NAPA: variants seen among roughly 807,000 people sequenced by gnomAD.
NAPA encodes the protein alpha-soluble NSF attachment protein.
A neutral mutation model predicts 48.0 loss-of-function variants in NAPA; 18 were observed. The ratio of observed to expected loss-of-function variants is 0.38; its 90% CI spans 0.26 to 0.56. The LOEUF (loss-of-function observed/expected upper bound fraction) is 0.56, where lower values mean the gene tolerates loss of function less well. NAPA is among the 20% of genes least tolerant of loss of function. The pLI is 0.77. For missense variants in NAPA, 315 were observed against 385.0 expected (o/e 0.82, Z 1.52); for synonymous variants, 152 against 149.9 (o/e 1.01, Z -0.10).
intron 1 of NAPA, among the ~76,000 whole-genome samples, chr19:47,514,283 G>A (rs1210305803): frequency 6.6e-6 from 1 of 151,956 alleles, no homozygotes; most frequent in Admixed American, 6.6e-5. Flanking sequence ...CCTGGTGTCA[G>A]CCCCCTTCAG....
rs551186672 is a variant in NAPA at position 47,514,997 on chromosome 19, C to T, written c.-57G>A. 6.3e-4 allele frequency: 982 copies of T among 1,551,074 alleles called. 18 individuals are homozygous for T. The Admixed American group carries it at 0.014, about 23-fold the overall frequency. Reference sequence around the variant, plus strand: ...GACCCTGACCCTGGGAAGACTCAGCCGCGGCCGGGCCGCGGAACACAGATC... The same window carrying T: ...GACCCTGACCCTGGGAAGACTCAGCTGCGGCCGGGCCGCGGAACACAGATC... On this transcript the variant is annotated 5_prime_UTR_variant, in exon 1 of 11. Transcript: ENST00000263354.
Position 47,492,030 on chromosome 19 carries a change from G to T in NAPA, c.651C>A (p.Asp217Glu). The change falls in exon 8 of 11, where the codon GAC becomes GAA. Residue 217 changes from aspartate to glutamate, a missense_variant. This residue lies in a region of NAPA where 137 missense variants were observed against 150.1 expected (regional missense o/e 0.91). Transcript: ENST00000263354. ...FKAALCHFCI[D>E]MLNAKLAVQK... ...GGTGTGCTACCTTGGCGTTGAGCAT[G>T]TCGATGCAGAAGTGGCAGAGGGCCG... 6.2e-7 allele frequency: 1 copy of T among 1,614,082 alleles called. No individual in the cohort carries two copies. Among genetic ancestry groups the T allele is most frequent in the Non-Finnish European group, 8.5e-7 (1 of 1,179,962 alleles).
In NAPA at chr19:47,515,011, G is replaced by T. The variant is rs1259863830; in HGVS notation, c.-71C>A. 2 of 1,487,892 alleles carry T rather than the reference G, an allele frequency of 1.3e-6. No homozygotes were observed. Among genetic ancestry groups the T allele is most frequent in the Non-Finnish European group, 9.2e-7 (1 of 1,084,848 alleles). The allele number at this position is 1,487,892 out of a possible 1,614,324, so 92.2% of individuals were successfully genotyped here. A position where few individuals can be genotyped will look rare whatever the true frequency, so the allele number is the denominator to read the frequency against. On this transcript the variant is annotated 5_prime_UTR_variant, in exon 1 of 11. Transcript: ENST00000263354. ...GAAGACTCAGCCGCGGCCGGGCCGC[G>T]GAACACAGATCGGTAAAACTCGCCC...
chr19:47,493,345 C>A lies in NAPA; in HGVS notation c.420+71G>T. On this transcript the variant is annotated intron_variant, in intron 5 of 10. Transcript: ENST00000263354. This position sits in a 1 kb window ranked among gnomAD's most constrained non-coding sequence, Gnocchi z 6.4. ...TCGGCACTCAGACACCAGAGGACTC[C>A]CCTGGTGGGAAGAAGAGAGAGCAGC... 6.4e-7 allele frequency: 1 copy of A among 1,572,142 alleles called. No homozygotes were observed. Among genetic ancestry groups the A allele is most frequent in the Admixed American group, 1.7e-5 (1 of 59,800 alleles).
At position 47,493,140 on chromosome 19, in the gene NAPA, T is replaced by C. The variant is rs1470001694; in HGVS notation, c.455A>G (p.Tyr152Cys). The stretch of plus-strand genomic sequence containing the variant: ...CTACCTGTTGGACTCCTCGCCTTTG[T>C]AGTAGTCTGCAGACTGCTCGTAGTG... ...IAHYEQSADY[Y>C]KGEESNSSAN... The change falls in exon 6 of 11, where the codon TAC becomes TGC. Residue 152 changes from tyrosine (Y) to cysteine (C), a missense_variant. Physicochemically the swap from Tyr to Cys is radical, Grantham distance 194 (BLOSUM62 -2). Around this residue, in one of 3 missense-constraint regions of NAPA, gnomAD observed 173 missense variants for 213.5 expected, o/e 0.81. Coordinates refer to ENST00000263354, the MANE Select transcript of NAPA (RefSeq NM_003827.4). This position sits in a 1 kb window ranked among gnomAD's most constrained non-coding sequence, Gnocchi z 6.4. 1.9e-6 allele frequency: 3 copies of C among 1,610,476 alleles called. No homozygotes were observed. The highest frequency in any genetic ancestry group is 2.5e-6 in the Non-Finnish European group (3 of 1,178,058).
chr19:47,508,925 A>C (rs1489695948), intron 1 of NAPA, among the ~76,000 whole-genome samples: 2 of 152,058 alleles, frequency 1.3e-5, no homozygotes, highest in Non-Finnish European at 2.9e-5. Context: ...CTCTACTAAA[A>C]ATTAGCCAGG....
At position 47,495,542 on chromosome 19, in the gene NAPA, G is replaced by A; in HGVS notation, c.342+8C>T. ...CCGGGGGTGTCAGGACAAGCAAGCAGCCCTTACCATGTCTGTGTAGATCTC... is the reference window on the plus strand; with the variant it reads ...CCGGGGGTGTCAGGACAAGCAAGCAACCCTTACCATGTCTGTGTAGATCTC... On this transcript the variant is annotated splice_region_variant and intron_variant, in intron 4 of 10. Transcript: ENST00000263354. 1 of 1,613,918 alleles carries A rather than the reference G, an allele frequency of 6.2e-7. No homozygotes were observed. Among genetic ancestry groups the A allele is most frequent in the Non-Finnish European group, 8.5e-7 (1 of 1,179,866 alleles).
chr19:47,509,174 G>C (rs1052223092), intron 1 of NAPA, among the ~76,000 whole-genome samples: 1 of 152,050 alleles, frequency 6.6e-6, no homozygotes. Flanking sequence ...ACTTGGCACA[G>C]AGCGCAGAAT....
chr19:47,493,455 A>AATGG lies in NAPA; in HGVS notation c.377_380dup (p.Ala128HisfsTer3). On this transcript the variant is annotated frameshift_variant, in exon 5 of 11. Transcript: ENST00000263354. LOFTEE classifies it high-confidence loss of function. The surrounding 1 kb of genome is among the most constrained non-coding windows in gnomAD (Gnocchi z 6.4). ...CCAACTCTGTCTCATAGATCTCAGCAATGGAGATGTGGTGCTTGGCCGCAA... is the reference window on the plus strand; with the variant it reads ...CCAACTCTGTCTCATAGATCTCAGCAATGGATGGAGATGTGGTGCTTGGCCGCAA... 1 of 1,614,000 alleles carries AATGG rather than the reference A, an allele frequency of 6.2e-7. No homozygotes were observed. The highest frequency in any genetic ancestry group is 8.5e-7 in the Non-Finnish European group (1 of 1,179,968).
Position 47,509,839 on chromosome 19 carries a change from G to T in NAPA, c.98+5004C>A, listed in dbSNP as rs139669888. On this transcript the variant is annotated intron_variant, in intron 1 of 10. Coordinates refer to ENST00000263354, the MANE Select transcript of NAPA (RefSeq NM_003827.4). ...CGCCCTGTTTCTTATTTTCTTATACGGATGCCCTCCTGCACCCCAACGGGA... is the reference window on the plus strand; with the variant it reads ...CGCCCTGTTTCTTATTTTCTTATACTGATGCCCTCCTGCACCCCAACGGGA... Among the ~76,000 whole-genome samples the T allele has an allele frequency of 3.5e-3, 527 of 152,228 alleles. 2 individuals carry two copies. The highest frequency in any genetic ancestry group is 0.012 in the African/African-American group (496 of 41,518).
rs748748860 is a variant in NAPA, at chr19:47,492,048, G to A, written c.633C>T (p.Leu211=). ...SAKDYFFKAA[L]CHFCIDMLNA... ...TGAGCATGTCGATGCAGAAGTGGCA[G>A]AGGGCCGCCTTGAAGAAGTAGTCTT... is the stretch of plus-strand genomic sequence containing the variant. The change falls in exon 8 of 11, where the codon CTC becomes CTT. Residue 211 remains leucine (L), a synonymous_variant. Transcript: ENST00000263354. 6.2e-7 allele frequency: 1 copy of A among 1,614,152 alleles called. No individual in the cohort carries two copies. Among genetic ancestry groups the A allele is most frequent in the South Asian group, 1.1e-5 (1 of 91,086 alleles).
chr19:47,499,733 A>C (rs1599906736), intron 3 of NAPA, among the ~76,000 whole-genome samples: 1 of 152,270 alleles, frequency 6.6e-6, no homozygotes, highest in South Asian at 2.1e-4. Context: ...GTATGCCAGC[A>C]GTTCTCAAAC....
In NAPA at chr19:47,515,037, G is replaced by A. The variant is rs1285992983; in HGVS notation, c.-97C>T. On this transcript the variant is annotated 5_prime_UTR_variant, in exon 1 of 11. Coordinates refer to ENST00000263354, the MANE Select transcript of NAPA (RefSeq NM_003827.4). Reference sequence around the variant, plus strand: ...GAACACAGATCGGTAAAACTCGCCCGGCTGCGTTGACGTCGCACCGGCGCG... The same window carrying A: ...GAACACAGATCGGTAAAACTCGCCCAGCTGCGTTGACGTCGCACCGGCGCG... 5 of 1,280,198 alleles carry A rather than the reference G, an allele frequency of 3.9e-6. No homozygotes were observed. The highest frequency in any genetic ancestry group is 5.4e-6 in the Non-Finnish European group (5 of 922,590). 79.3% of individuals were successfully genotyped at this position (1,280,198 alleles called of 1,614,324 possible). A position where few individuals can be genotyped will look rare whatever the true frequency, so the allele number is the denominator to read the frequency against.
At chr19:47,490,241 TTTG>T (rs751262640) in intron 9 of NAPA, among the ~76,000 whole-genome samples, 3 of 140,478 alleles carry the variant, frequency 2.1e-5, no homozygotes, top group Non-Finnish European at 4.6e-5. Flanking sequence ...TGCAGTGTGT[TTTG>T]TGTGTGGGGG....
At chr19:47,505,118 C>G (rs1451279175) in intron 1 of NAPA, among the ~76,000 whole-genome samples, 1 of 152,178 alleles carries the variant, frequency 6.6e-6, no homozygotes, top group Non-Finnish European at 1.5e-5. Context: ...GGTCTGTAGT[C>G]TCTGTAACTG....
chr19:47,504,976 A>G (rs138501248), intron 1 of NAPA, among the ~76,000 whole-genome samples: 20 of 152,132 alleles, frequency 1.3e-4, no homozygotes, highest in Admixed American at 1.3e-3. Flanking sequence ...GGGCAGCTTC[A>G]CTCTGGCTTC....
chr19:47,511,261 G>A (rs1284651232), intron 1 of NAPA, among the ~76,000 whole-genome samples: 2 of 152,192 alleles, frequency 1.3e-5, no homozygotes, highest in Non-Finnish European at 2.9e-5. Context: ...CCAGATCAGA[G>A]AGGAGGAGGT....
chr19:47,489,288 C>A (rs117973746), intron 10 of NAPA: 624 of 185,386 alleles, frequency 3.4e-3, no homozygotes, highest in Non-Finnish European at 5.7e-3. Flanking sequence ...CAGAGGGAAG[C>A]TGGCACCTCT....
At chr19:47,510,322 G>T (rs534623106) in intron 1 of NAPA, among the ~76,000 whole-genome samples, 1 of 152,254 alleles carries the variant, frequency 6.6e-6, no homozygotes, top group Non-Finnish European at 1.5e-5. Flanking sequence ...AACAGGAACT[G>T]ATTTGTCAAG....
Sources: gnomAD v4.1 joint callset for allele counts (sites outside exome capture counted in the v4.1 genomes callset) on GRCh38, gnomAD v4.1.1 for gene constraint, gnomAD v4.1.1 regional missense constraint, Gnocchi (gnomAD v3.1) non-coding constraint, MANE v1.5 for transcripts, NCBI Gene and HGNC (gene_info 2026-07-23, HGNC 2026-07-21) for gene names.